Variants in AGAP1 observed in about 807,000 individuals in gnomAD.
AGAP1 encodes the protein ArfGAP with GTPase domain, ankyrin repeat and PH domain 1.
In AGAP1, 29 loss-of-function variants were observed where a neutral mutation model predicts 105.3. The ratio of observed to expected loss-of-function variants is 0.28; its 90% confidence interval spans 0.21 to 0.38. AGAP1 has a LOEUF of 0.38. AGAP1 is among the 10% of genes least tolerant of loss of function. AGAP1 has a pLI of 1.00. For missense variants in AGAP1, 998 were observed against 1,165.1 expected, an observed-to-expected ratio of 0.86 and a Z score of 2.09; for synonymous variants, 509 against 485.9, an observed-to-expected ratio of 1.05 and a Z score of -0.63.
At position 236,040,917 on chromosome 2, in the gene AGAP1, A is replaced by C; in HGVS notation, c.1891+76A>C. 6.9e-7 allele frequency: 1 copy of C among 1,450,988 alleles called. No homozygotes were observed. Among genetic ancestry groups the C allele is most frequent in the South Asian group, 1.2e-5 (1 of 86,382 alleles). 89.9% of individuals were successfully genotyped at this position (1,450,988 alleles called of 1,614,324 possible). On this transcript the variant is annotated intron_variant, in intron 15 of 17. Transcript: ENST00000304032. The surrounding 1 kb of genome is among the most constrained non-coding windows in gnomAD (Gnocchi z 5.6). ...CATGGTCCCACTAGGCCCGGGTTGC[A>C]GGGGACTCACATCTGTCCTGTTTGG...
chr2:236,022,309 A>G (rs2056912013), intron 13 of AGAP1, among the ~76,000 whole-genome samples: 1 of 152,218 alleles, frequency 6.6e-6, no homozygotes, highest in African/African-American at 2.4e-5. Flanking sequence ...ACTGTTCTAA[A>G]TTAAGCCACA....
rs536214770 is a variant in AGAP1 at position 235,919,957 on chromosome 2, A to G, written c.1325-10808A>G. Among the ~76,000 whole-genome samples the G allele has an allele frequency of 6.6e-6, 1 of 152,216 alleles. No individual in the cohort carries two copies. Among genetic ancestry groups the G allele is most frequent in the Non-Finnish European group, 1.5e-5 (1 of 68,044 alleles). ...CTCCATAAACACTGTCGGAATCTGG[A>G]GCAGCACGTGTTCCTTCAGCAGATA... On this transcript the variant is annotated intron_variant, in intron 11 of 17. Coordinates refer to ENST00000304032, the MANE Select transcript of AGAP1 (RefSeq NM_001037131.3). This position sits in a 1 kb window ranked among gnomAD's most constrained non-coding sequence, Gnocchi z 4.1.
chr2:235,939,013 A>C (rs1266589598), intron 12 of AGAP1, among the ~76,000 whole-genome samples: 2 of 152,178 alleles, frequency 1.3e-5, no homozygotes, highest in African/African-American at 4.8e-5. Context: ...AGGGTTGAGA[A>C]GCTCTTTCAG....
intron 1 of AGAP1, among the ~76,000 whole-genome samples, chr2:235,613,887 G>A (rs970834427): frequency 1.3e-5 from 2 of 152,360 alleles, no homozygotes; most frequent in Admixed American, 1.3e-4. Context: ...GTGGCCCGCA[G>A]GGTGGCCTTG....
At chr2:236,057,178 G>A (rs182103876) in intron 16 of AGAP1, among the ~76,000 whole-genome samples, 2 of 152,148 alleles carry the variant, frequency 1.3e-5, no homozygotes, top group African/African-American at 2.4e-5. Flanking sequence ...GTGCAATCTC[G>A]GCTCACTGCA....
In AGAP1 at chr2:235,555,429, T is replaced by TGG. The variant is rs1943943059; in HGVS notation, c.163+60581_163+60582dup. On this transcript the variant is annotated intron_variant, in intron 1 of 17. Transcript: ENST00000304032. This position sits in a 1 kb window ranked among gnomAD's most constrained non-coding sequence, Gnocchi z 5.1. ...CGTGGACCTCAAGCAGGTGGATGGG[T>TGG]GGAGCTCAGGGAATAGGCATGTGGG... Among the ~76,000 whole-genome samples, 1 of 152,030 alleles carries TGG rather than the reference T, an allele frequency of 6.6e-6. No individual in the cohort carries two copies.
intron 1 of AGAP1, among the ~76,000 whole-genome samples, chr2:235,634,123 T>C (rs1040991099): frequency 1.3e-5 from 2 of 152,202 alleles, no homozygotes; most frequent in African/African-American, 4.8e-5. Context: ...TTACGGCAAG[T>C]TGTGGGGCTT....
chr2:236,019,822 TTG>T (rs745459867), intron 13 of AGAP1, among the ~76,000 whole-genome samples: 48 of 152,228 alleles, frequency 3.2e-4, no homozygotes, highest in Non-Finnish European at 5.0e-4. Flanking sequence ...ACCCATTGTG[TTG>T]TGTGTTTCCT....
intron 11 of AGAP1, among the ~76,000 whole-genome samples, chr2:235,920,451 G>T (rs1283667883): frequency 5.9e-5 from 9 of 151,922 alleles, no homozygotes; most frequent in African/African-American, 1.5e-4. Context: ...CAGGGTTGTT[G>T]TTTTTTTTCT....
intron 16 of AGAP1, among the ~76,000 whole-genome samples, chr2:236,069,056 G>A (rs1180830623): frequency 1.3e-5 from 2 of 151,698 alleles, no homozygotes; most frequent in Non-Finnish European, 2.9e-5. Flanking sequence ...GAACCCGCGA[G>A]GTGAAGGTTG....
intron 1 of AGAP1, among the ~76,000 whole-genome samples, chr2:235,656,715 G>A (rs1357179329): frequency 3.9e-5 from 6 of 152,144 alleles, no homozygotes; most frequent in East Asian, 1.9e-4. Flanking sequence ...CCAAGTGTGC[G>A]CTCACCATTG....
rs184842837 is a variant in AGAP1, at chr2:235,849,361, G to T, written c.1051-33984G>T. On this transcript the variant is annotated intron_variant, in intron 9 of 17. Transcript: ENST00000304032. ...GTACACATATTACTATAATTAACTG[G>T]TTTTTTTGTGAATGTCTCTCCAAGT... Among the ~76,000 whole-genome samples, 806 of 152,246 alleles carry T rather than the reference G, an allele frequency of 5.3e-3. 2 individuals carry two copies. Among genetic ancestry groups the T allele is most frequent in the Non-Finnish European group, 8.5e-3 (580 of 68,020 alleles).
rs1415622894 is a variant in AGAP1 at position 235,721,391 on chromosome 2, A to G, written c.310+3747A>G. Among the ~76,000 whole-genome samples, 1 of 152,228 alleles carries G rather than the reference A, an allele frequency of 6.6e-6. No individual in the cohort carries two copies. Among genetic ancestry groups the G allele is most frequent in the Non-Finnish European group, 1.5e-5 (1 of 68,044 alleles). On this transcript the variant is annotated intron_variant, in intron 3 of 17. Transcript: ENST00000304032. The surrounding 1 kb of genome is among the most constrained non-coding windows in gnomAD (Gnocchi z 4.5). ...TTTTCAATTAGTGAATTAACAACAC[A>G]AAAGTGGGTAACACCGTAGGGAACT...
rs2057816797 is a variant in AGAP1 at position 236,049,065 on chromosome 2, A to G, written c.1898A>G (p.Asn633Ser). ...TCTGTTCCTCTTCCCGTAGATCCCA[A>G]CTGGGCCAGTTTGAACTTGGGAGCC... is the stretch of plus-strand genomic sequence containing the variant. Reference protein sequence around the residue: ...HCVDCETQNPNWASLNLGALM... With the variant: ...HCVDCETQNPSWASLNLGALM... Residue 633 changes from asparagine (N) to serine (S), a missense_variant, in exon 16 of 18, where the codon AAC becomes AGC. Around this residue, in one of 3 missense-constraint regions of AGAP1, gnomAD observed 28 missense variants for 61.0 expected, o/e 0.46. Transcript: ENST00000304032. 3.7e-6 allele frequency: 6 copies of G among 1,613,758 alleles called. No homozygotes were observed. Among genetic ancestry groups the G allele is most frequent in the East Asian group, 2.2e-5 (1 of 44,866 alleles).
intron 1 of AGAP1, among the ~76,000 whole-genome samples, chr2:235,563,585 C>T (rs1944239734): frequency 8.5e-6 from 1 of 118,222 alleles, no homozygotes; most frequent in Non-Finnish European, 1.8e-5. Flanking sequence ...TAAATTATAG[C>T]CCGGGCGGGG....
chr2:235,537,651 T>G (rs900897167), intron 1 of AGAP1, among the ~76,000 whole-genome samples: 3 of 152,238 alleles, frequency 2.0e-5, no homozygotes, highest in Admixed American at 6.5e-5. Flanking sequence ...TCAATATTAA[T>G]ATTGATCCTG....
rs1226738754 is a variant in AGAP1, at chr2:236,123,869, C to T, written c.2371-50C>T. On this transcript the variant is annotated intron_variant, in intron 17 of 17. Transcript: ENST00000304032. This position sits in a 1 kb window ranked among gnomAD's most constrained non-coding sequence, Gnocchi z 4.6. ...TGAGAGAAAGCTTCCCTGCCCCCTCCCTCCATCACATCCCCCATGATACTA... is the reference window on the plus strand; with the variant it reads ...TGAGAGAAAGCTTCCCTGCCCCCTCTCTCCATCACATCCCCCATGATACTA... 7 of 1,606,214 alleles carry T rather than the reference C, an allele frequency of 4.4e-6. No individual in the cohort carries two copies. Among genetic ancestry groups the T allele is most frequent in the African/African-American group, 1.3e-5 (1 of 74,696 alleles).
In AGAP1 at chr2:235,623,637, G is replaced by A. The variant is rs191397149; in HGVS notation, c.164-85542G>A. 8.7e-4 allele frequency among the ~76,000 whole-genome samples: 133 copies of A among 152,244 alleles called. No homozygotes were observed. Among genetic ancestry groups the A allele is most frequent in the African/African-American group, 2.8e-3 (116 of 41,562 alleles). On this transcript the variant is annotated intron_variant, in intron 1 of 17. Transcript: ENST00000304032. The surrounding 1 kb of genome is among the most constrained non-coding windows in gnomAD (Gnocchi z 4.5). ...GATGCATGGTAGGTTAGGGTGCTGT[G>A]TTGCAGGTCTGTGATGCAGTTGCCA...
chr2:235,495,845 C>G (rs1941294282), intron 1 of AGAP1, among the ~76,000 whole-genome samples: 1 of 152,268 alleles, frequency 6.6e-6, no homozygotes, highest in Non-Finnish European at 1.5e-5. Context: ...AGCACTTTCT[C>G]CCTTCTCAGC....
Sources: allele counts gnomAD v4.1 joint callset (sites outside exome capture counted in the v4.1 genomes callset), GRCh38; gene constraint gnomAD v4.1.1; regional missense constraint gnomAD v4.1.1; non-coding constraint Gnocchi (gnomAD v3.1); transcripts MANE v1.5; gene names NCBI Gene and HGNC (gene_info 2026-07-23, HGNC 2026-07-21).